The following EPHB6 variants were observed in gnomAD, a reference collection of about 807,000 sequenced individuals.
The protein encoded by EPHB6 is ephrin type-B receptor 6.
In EPHB6, 51 loss-of-function variants were observed where a neutral mutation model predicts 107.0. That is an observed-to-expected ratio of 0.48 (90% CI 0.38 to 0.60). The LOEUF (loss-of-function observed/expected upper bound fraction) is 0.60. Among genes scored for constraint, EPHB6 ranks in the 20% least tolerant of loss-of-function variants. EPHB6 has a pLI of 0.00. For missense variants in EPHB6, 1,141 were observed against 1,355.5 expected (o/e 0.84, Z 2.48); for synonymous variants, 553 against 549.0 (o/e 1.01, Z -0.10).
At chr7:142,859,496 C>T (rs2116385716) in intron 1 of EPHB6, among the ~76,000 whole-genome samples, 1 of 152,262 alleles carries the variant, frequency 6.6e-6, no homozygotes, top group East Asian at 1.9e-4. Context: ...CTTCCTTTTT[C>T]TTTATTTGGA....
In EPHB6 at chr7:142,870,311, G is replaced by A. The variant is rs529859076; in HGVS notation, c.2708G>A (p.Arg903His). Residue 903 changes from arginine (R) to histidine (H), a missense_variant, in exon 18 of 20, where the codon CGT becomes CAT. Coordinates refer to ENST00000652003, the MANE Select transcript of EPHB6 (RefSeq NM_004445.6). The stretch of plus-strand genomic sequence containing the variant: ...ATGTTGGACACTTGGCAGAAGGACC[G>A]TGCCCGGCGGCCTCATTTTGACCAG... ...LLMLDTWQKD[R>H]ARRPHFDQLV... is the part of the protein sequence containing the mutation. 110 of 1,614,226 alleles carry A rather than the reference G, an allele frequency of 6.8e-5. No homozygotes were observed. The East Asian group carries it at 1.2e-3, about 17-fold the overall frequency.
chr7:142,855,920 C>A lies in EPHB6; in HGVS notation c.-432+535C>A, dbSNP rs1049025370. On this transcript the variant is annotated intron_variant, in intron 1 of 19. Transcript: ENST00000652003. The surrounding 1 kb of genome is among the most constrained non-coding windows in gnomAD (Gnocchi z 4.2). Reference sequence around the variant, plus strand: ...CCTGCTGCCCAGCCATCACCCCCAACGTGCAACCAAATTCTATTGCGTGCT... The same window carrying A: ...CCTGCTGCCCAGCCATCACCCCCAAAGTGCAACCAAATTCTATTGCGTGCT... Among the ~76,000 whole-genome samples, 6 of 152,182 alleles carry A rather than the reference C, an allele frequency of 3.9e-5. No homozygotes were observed. Among genetic ancestry groups the A allele is most frequent in the Admixed American group, 6.5e-5 (1 of 15,282 alleles).
At chr7:142,870,740 C>T (rs780262124) in intron 19 of EPHB6, 55 bp downstream of exon 19, 31 of 1,613,920 alleles carry the variant, frequency 1.9e-5, no homozygotes, top group East Asian at 4.5e-5. Flanking sequence ...GGCTGGGGGT[C>T]GTATTGGGGA....
intron 5 of EPHB6, 86 bp downstream of exon 5, chr7:142,863,413 A>G (rs1198735417): frequency 7.2e-7 from 1 of 1,386,060 alleles, no homozygotes; most frequent in Non-Finnish European, 1.0e-6. Context: ...GAAAAGGTAG[A>G]TAAGAGTGAA....
chr7:142,866,034 C>T lies in EPHB6; in HGVS notation c.1180C>T (p.Arg394Trp), dbSNP rs776950072. 5.0e-6 allele frequency: 8 copies of T among 1,613,280 alleles called. No individual in the cohort carries two copies. Among genetic ancestry groups the T allele is most frequent in the South Asian group, 3.3e-5 (3 of 90,958 alleles). ...SALMLHWRLP[R>W]ELGGRGDLLF... is the part of the protein sequence containing the mutation. ...ACTCATGCTACACTGGCGCCTGCCT[C>T]GGGAGCTGGGGGGTCGAGGGGACCT... Residue 394 changes from arginine to tryptophan, a missense_variant, in exon 9 of 20, where the codon CGG (arginine) becomes TGG (tryptophan). By Grantham distance (101) the Arg-to-Trp change is moderately radical (BLOSUM62 -3). Transcript: ENST00000652003. This position sits in a 1 kb window ranked among gnomAD's most constrained non-coding sequence, Gnocchi z 5.2.
chr7:142,859,060 T>C (rs978694235), intron 1 of EPHB6, among the ~76,000 whole-genome samples: 5 of 152,268 alleles, frequency 3.3e-5, no homozygotes, highest in Admixed American at 6.5e-5. Flanking sequence ...TAAAACCTTA[T>C]ACACATCTGA....
Position 142,867,603 on chromosome 7 carries a change from C to T in EPHB6, c.1751-5C>T, listed in dbSNP as rs548590971. The T allele has an allele frequency of 6.2e-6, 10 of 1,609,896 alleles. No homozygotes were observed. In the South Asian group the frequency reaches 6.7e-5, roughly 11 times the overall value. ...CACCTGTGACCCTGTCGGCTGGTCC[C>T]CCAGGGGAGCTGTCTTCCCAGCTTC... On this transcript the variant is annotated splice_region_variant and splice_polypyrimidine_tract_variant and intron_variant, in intron 11 of 19. Coordinates refer to ENST00000652003, the MANE Select transcript of EPHB6 (RefSeq NM_004445.6). The surrounding 1 kb of genome is among the most constrained non-coding windows in gnomAD (Gnocchi z 5.3).
Position 142,865,586 on chromosome 7 carries a change from G to C in EPHB6, c.1061G>C (p.Gly354Ala), listed in dbSNP as rs1803111736. The C allele has an allele frequency of 6.2e-7, 1 of 1,613,748 alleles. No homozygotes were observed. The highest frequency in any genetic ancestry group is 8.5e-7 in the Non-Finnish European group (1 of 1,179,998). ...PAAPVCPCLE[G>A]FYRASSDPPE... ...GCCCCCGTTTGCCCCTGCCTGGAGGGCTTCTACCGGGCCAGTTCCGACCCA... is the reference window on the plus strand; with the variant it reads ...GCCCCCGTTTGCCCCTGCCTGGAGGCCTTCTACCGGGCCAGTTCCGACCCA... The change falls in exon 8 of 20, where the codon GGC becomes GCC. Residue 354 changes from glycine to alanine, a missense_variant. Gly to Ala is a moderately conservative substitution (Grantham distance 60). Around this residue, in one of 3 missense-constraint regions of EPHB6, gnomAD observed 304 missense variants for 295.7 expected, o/e 1.03. Transcript: ENST00000652003.
In EPHB6 at chr7:142,869,986, C is replaced by T. The variant is rs1019928953; in HGVS notation, c.2610+20C>T. The T allele has an allele frequency of 6.2e-7, 1 of 1,614,158 alleles. No individual in the cohort carries two copies. Among genetic ancestry groups the T allele is most frequent in the Non-Finnish European group, 8.5e-7 (1 of 1,180,018 alleles). ...CAGGAGGTGAGCACTGACCTAGACA[C>T]TGCTGATTTCCCACCCCGATCCCTC... is the stretch of plus-strand genomic sequence containing the variant. On this transcript the variant is annotated intron_variant, in intron 17 of 19. Coordinates refer to ENST00000652003, the MANE Select transcript of EPHB6 (RefSeq NM_004445.6). The surrounding 1 kb of genome is among the most constrained non-coding windows in gnomAD (Gnocchi z 4.5).
chr7:142,860,977 C>G (rs1586151689), intron 1 of EPHB6, 75 bp from the exon 2 acceptor site: 1 of 151,264 alleles, frequency 6.6e-6, no homozygotes, highest in Admixed American at 6.6e-5. Flanking sequence ...TTCTAATTGG[C>G]TTTTTTTTTG....
At position 142,864,672 on chromosome 7, in the gene EPHB6, G is replaced by C. The variant is rs1345603489; in HGVS notation, c.872G>C (p.Gly291Ala). Residue 291 changes from glycine to alanine, a missense_variant, in exon 7 of 20, where the codon GGC becomes GCC. By Grantham distance (60) the Gly-to-Ala change is moderately conservative. This residue lies in a region of EPHB6 where 304 missense variants were observed against 295.7 expected (regional missense o/e 1.03). Transcript: ENST00000652003. ...CCCAGGCTGCACTGCAACGGGGAGG[G>C]CAAGTGGATGGTAGCTGTCGGGGGC... Reference protein sequence around the residue: ...SPPRLHCNGEGKWMVAVGGCR... With the variant: ...SPPRLHCNGEAKWMVAVGGCR... The C allele has an allele frequency of 6.2e-7, 1 of 1,612,876 alleles. No individual in the cohort carries two copies. The highest frequency in any genetic ancestry group is 1.7e-5 in the Admixed American group (1 of 60,012).
In EPHB6 at chr7:142,869,214, G is replaced by T; in HGVS notation, c.2460+67G>T. 6.4e-7 allele frequency: 1 copy of T among 1,570,096 alleles called. No homozygotes were observed. Among genetic ancestry groups the T allele is most frequent in the Admixed American group, 1.7e-5 (1 of 59,522 alleles). On this transcript the variant is annotated intron_variant, in intron 16 of 19. Coordinates refer to ENST00000652003, the MANE Select transcript of EPHB6 (RefSeq NM_004445.6). The surrounding 1 kb of genome is among the most constrained non-coding windows in gnomAD (Gnocchi z 4.5). ...CATGCCCCAGCAGGTGCTGGGGTCGGGGGTGAGCTGGAATCTGGGGTAGGT... is the reference window on the plus strand; with the variant it reads ...CATGCCCCAGCAGGTGCTGGGGTCGTGGGTGAGCTGGAATCTGGGGTAGGT...
Position 142,865,596 on chromosome 7 carries a change from G to C in EPHB6, c.1071G>C (p.Arg357=). The C allele has an allele frequency of 6.2e-7, 1 of 1,613,688 alleles. No individual in the cohort carries two copies. The highest frequency in any genetic ancestry group is 8.5e-7 in the Non-Finnish European group (1 of 1,179,984). ...PVCPCLEGFY[R]ASSDPPEAPC... ...GCCCCTGCCTGGAGGGCTTCTACCGGGCCAGTTCCGACCCACCAGAGGCCC... is the reference window on the plus strand; with the variant it reads ...GCCCCTGCCTGGAGGGCTTCTACCGCGCCAGTTCCGACCCACCAGAGGCCC... The change falls in exon 8 of 20, where the codon CGG becomes CGC. Residue 357 remains arginine (R), a synonymous_variant. Transcript: ENST00000652003.
chr7:142,866,476 T>C lies in EPHB6; in HGVS notation c.1463-5T>C. The C allele has an allele frequency of 1.9e-6, 3 of 1,614,052 alleles. No homozygotes were observed. The highest frequency in any genetic ancestry group is 2.5e-6 in the Non-Finnish European group (3 of 1,180,018). ...CCCCATAATAATTTTCCTTTTGCAC[T>C]CTAGTGCCCTCTGCTGTCCCTGTGG... On this transcript the variant is annotated splice_region_variant and splice_polypyrimidine_tract_variant and intron_variant, in intron 9 of 19. Coordinates refer to ENST00000652003, the MANE Select transcript of EPHB6 (RefSeq NM_004445.6). The surrounding 1 kb of genome is among the most constrained non-coding windows in gnomAD (Gnocchi z 5.2).
chr7:142,863,187 G>T lies in EPHB6; in HGVS notation c.-41G>T, dbSNP rs1802925872. On this transcript the variant is annotated 5_prime_UTR_variant, in exon 5 of 20. Coordinates refer to ENST00000652003, the MANE Select transcript of EPHB6 (RefSeq NM_004445.6). ...AAGCTGCAGCCCCACCCAGGAGCAG[G>T]GTGGTGGCTGGGGCGATGGTGGACG... is the stretch of plus-strand genomic sequence containing the variant. 6.3e-7 allele frequency: 1 copy of T among 1,582,496 alleles called. No homozygotes were observed. The highest frequency in any genetic ancestry group is 8.7e-7 in the Non-Finnish European group (1 of 1,152,334).
At position 142,869,007 on chromosome 7, in the gene EPHB6, G is replaced by A. The variant is rs1426321238; in HGVS notation, c.2320G>A (p.Val774Met). Residue 774 changes from valine (V) to methionine (M), a missense_variant, in exon 16 of 20, where the codon GTG (valine) becomes ATG (methionine). By Grantham distance (21) the Val-to-Met change is conservative (BLOSUM62 1). This residue lies in a region of EPHB6 where 616 missense variants were observed against 759.3 expected (regional missense o/e 0.81). Transcript: ENST00000652003. The surrounding 1 kb of genome is among the most constrained non-coding windows in gnomAD (Gnocchi z 4.5). ...GGGCCAGTTCAGCAGCCTGCAGCTG[G>A]TGGCCATGCAGCGGGGAGTGGCTGC... ...REGQFSSLQL[V>M]AMQRGVAAAM... 1 of 1,611,670 alleles carries A rather than the reference G, an allele frequency of 6.2e-7. No homozygotes were observed. The highest frequency in any genetic ancestry group is 1.3e-5 in the African/African-American group (1 of 75,050).
rs900010485 is a variant in EPHB6, at chr7:142,866,837, T to C, written c.1588-69T>C. ...AGCCCTGTCAACCAGGGAGGGTGGCTGGGGGCCTTAGGGGCAGAAGCAGGG... is the reference window on the plus strand; with the variant it reads ...AGCCCTGTCAACCAGGGAGGGTGGCCGGGGGCCTTAGGGGCAGAAGCAGGG... On this transcript the variant is annotated intron_variant, in intron 10 of 19. Coordinates refer to ENST00000652003, the MANE Select transcript of EPHB6 (RefSeq NM_004445.6). The surrounding 1 kb of genome is among the most constrained non-coding windows in gnomAD (Gnocchi z 5.2). 8.1e-6 allele frequency: 13 copies of C among 1,611,752 alleles called. No individual in the cohort carries two copies. The highest frequency in any genetic ancestry group is 1.1e-5 in the Non-Finnish European group (13 of 1,178,702).
Position 142,866,554 on chromosome 7 carries a change from C to G in EPHB6, c.1536C>G (p.Pro512=), listed in dbSNP as rs772204738. The G allele has an allele frequency of 1.2e-6, 2 of 1,614,162 alleles. No individual in the cohort carries two copies. The highest frequency in any genetic ancestry group is 8.5e-7 in the Non-Finnish European group (1 of 1,180,024). The part of the protein sequence containing the change: ...SNSITVSWPQ[P]DQTNGNILDY... ...GCATCACGGTGTCCTGGCCGCAGCCCGACCAGACCAATGGGAACATCCTGG... is the reference window on the plus strand; with the variant it reads ...GCATCACGGTGTCCTGGCCGCAGCCGGACCAGACCAATGGGAACATCCTGG... The change falls in exon 10 of 20, where the codon CCC becomes CCG. Residue 512 remains proline (P), a synonymous_variant. Coordinates refer to ENST00000652003, the MANE Select transcript of EPHB6 (RefSeq NM_004445.6). The surrounding 1 kb of genome is among the most constrained non-coding windows in gnomAD (Gnocchi z 5.2).
chr7:142,864,367 G>A lies in EPHB6; in HGVS notation c.567G>A (p.Gln189=), dbSNP rs148373849. 1,820 of 1,613,348 alleles carry A rather than the reference G, an allele frequency of 1.1e-3. 34 individuals carry two copies. In the South Asian group the frequency reaches 0.017, roughly 15 times the overall value. The change falls in exon 7 of 20, where the codon CAG becomes CAA. Residue 189 remains glutamine, a synonymous_variant. Transcript: ENST00000652003. ...AWAVGPHGAG[Q]RAGLQLNVKE... ...CTGTGGGACCCCACGGGGCTGGGCAGCGGGCTGGACTGCAACTGAACGTCA... is the reference window on the plus strand; with the variant it reads ...CTGTGGGACCCCACGGGGCTGGGCAACGGGCTGGACTGCAACTGAACGTCA...
Sources: allele counts gnomAD v4.1 joint callset (sites outside exome capture counted in the v4.1 genomes callset), GRCh38; gene constraint gnomAD v4.1.1; regional missense constraint gnomAD v4.1.1; non-coding constraint Gnocchi (gnomAD v3.1); transcripts MANE v1.5; gene names NCBI Gene and HGNC (gene_info 2026-07-23, HGNC 2026-07-21).